The following RASA4 variants were observed in gnomAD, a reference collection of about 807,000 sequenced individuals.
RASA4 encodes the protein ras GTPase-activating protein 4.
In RASA4, 5 loss-of-function variants were observed where a neutral mutation model predicts 24.0. That is an observed-to-expected ratio of 0.21 (90% CI 0.11 to 0.44). The LOEUF (loss-of-function observed/expected upper bound fraction) is 0.44. Ranked by LOEUF, RASA4 falls within the 20% of genes least tolerant of loss-of-function variation. The probability of loss-of-function intolerance (pLI) is 0.99; values close to 1 mark genes in which losing one functional copy is unlikely to be tolerated. For synonymous variants in RASA4, 9 were observed against 132.7 expected, an observed-to-expected ratio of 0.07 and a Z score of 6.41; for missense variants, 38 against 293.0, an observed-to-expected ratio of 0.13 and a Z score of 6.35.
rs1341192736 is a variant in RASA4, at chr7:102,580,205, T to C, written c.*2566A>G. On this transcript the variant is annotated 3_prime_UTR_variant, in exon 21 of 21. Coordinates refer to ENST00000262940, the MANE Select transcript of RASA4 (RefSeq NM_006989.6). ...TTCTTAACATTTTGTTTTGTTGCAATTGGTTGCTGTAAGTCACCTAAATAT... is the reference window on the plus strand; with the variant it reads ...TTCTTAACATTTTGTTTTGTTGCAACTGGTTGCTGTAAGTCACCTAAATAT... 5 of 170,732 alleles carry C rather than the reference T, an allele frequency of 2.9e-5. No individual in the cohort carries two copies. Among genetic ancestry groups the C allele is most frequent in the African/African-American group, 4.9e-5 (2 of 40,728 alleles). 10.6% of individuals were successfully genotyped at this position (170,732 alleles called of 1,614,324 possible). A position where few individuals can be genotyped will look rare whatever the true frequency, so the allele number is the denominator to read the frequency against.
intron 5 of RASA4, among the ~76,000 whole-genome samples, chr7:102,604,202 ATTGAGAATCTCCC>A (rs1430708185): frequency 6.7e-6 from 1 of 149,714 alleles, no homozygotes; most frequent in Non-Finnish European, 1.5e-5. Context: ...TTACTGAAAT[ATTGAGAATCTCCC>A]CAGAAAAAAT....
intron 16 of RASA4, among the ~76,000 whole-genome samples, chr7:102,591,920 G>C (rs1288993228): frequency 6.6e-6 from 1 of 152,218 alleles, no homozygotes; most frequent in African/African-American, 2.4e-5. Flanking sequence ...TGCAACTTCT[G>C]CCTCCCAGGT....
rs2133428551 is a variant in RASA4 at position 102,580,229 on chromosome 7, ATCTTC to A, written c.*2537_*2541del. 7.0e-6 allele frequency: 1 copy of A among 142,768 alleles called. No individual in the cohort carries two copies. Among genetic ancestry groups the A allele is most frequent in the East Asian group, 2.2e-4 (1 of 4,636 alleles). 8.8% of individuals were successfully genotyped at this position (142,768 alleles called of 1,614,324 possible). A position where few individuals can be genotyped will look rare whatever the true frequency, so the allele number is the denominator to read the frequency against. ...ATTGGTTGCTGTAAGTCACCTAAAT[ATCTTC>A]TCTTTTTTATACTTTTTATTGTAGT... On this transcript the variant is annotated 3_prime_UTR_variant, in exon 21 of 21. Transcript: ENST00000262940.
intron 16 of RASA4, among the ~76,000 whole-genome samples, chr7:102,591,680 C>T (rs1361381742): frequency 6.8e-6 from 1 of 146,616 alleles, no homozygotes; most frequent in Non-Finnish European, 1.5e-5. Context: ...TTGCCCTAGC[C>T]TCCTACTCAT....
At chr7:102,590,876 G>T (rs1366906767) in intron 16 of RASA4, among the ~76,000 whole-genome samples, 2 of 142,088 alleles carry the variant, frequency 1.4e-5, no homozygotes, top group African/African-American at 2.8e-5. Context: ...GGAGGCGGAG[G>T]TTGCGGTGAG....
In RASA4 at chr7:102,587,633, A is replaced by C. The variant is rs1586833898; in HGVS notation, c.2104+2T>G. 1 of 249,890 alleles carries C rather than the reference A, an allele frequency of 4.0e-6. No individual in the cohort carries two copies. The highest frequency in any genetic ancestry group is 7.1e-6 in the Non-Finnish European group (1 of 141,354). The allele number at this position is 249,890 out of a possible 1,614,324, so 15.5% of individuals were successfully genotyped here. On this transcript the variant is annotated splice_donor_variant, in intron 18 of 20. Coordinates refer to ENST00000262940, the MANE Select transcript of RASA4 (RefSeq NM_006989.6). LOFTEE classifies it high-confidence loss of function. Reference sequence around the variant, plus strand: ...GCCCGGGACCCAGGCCTCCTCTCCCACCTGTCTTCTCTTTTTGGTGGCAGC... The same window carrying C: ...GCCCGGGACCCAGGCCTCCTCTCCCCCCTGTCTTCTCTTTTTGGTGGCAGC...
In RASA4 at chr7:102,594,882, G is replaced by T. The variant is rs1196311307; in HGVS notation, c.1072-323C>A. Among the ~76,000 whole-genome samples, 5 of 28,956 alleles carry T rather than the reference G, an allele frequency of 1.7e-4. No individual in the cohort carries two copies. In the Admixed American group the frequency reaches 1.8e-3, roughly 11 times the overall value. The allele number at this position is 28,956 out of a possible 152,430, so 19.0% of individuals were successfully genotyped here. On this transcript the variant is annotated intron_variant, in intron 11 of 20. Coordinates refer to ENST00000262940, the MANE Select transcript of RASA4 (RefSeq NM_006989.6). ...TTTTAATCACACACACATTCTCTTT[G>T]GGGGGGGGGGGTGCGGGGCACGGAG...
intron 5 of RASA4, among the ~76,000 whole-genome samples, chr7:102,603,241 G>A (rs112003076): frequency 0.097 from 10,616 of 109,768 alleles, 1 homozygote; most frequent in Admixed American, 0.14. Context: ...GATTACAGGC[G>A]TGAGCCACCG....
intron 5 of RASA4, among the ~76,000 whole-genome samples, chr7:102,603,118 G>A (rs1266820349): frequency 9.4e-5 from 12 of 127,136 alleles, no homozygotes; most frequent in Non-Finnish European, 6.6e-5. Flanking sequence ...CTGCCACCAC[G>A]CCCAGCTAAT....
Position 102,580,214 on chromosome 7 carries a change from G to C in RASA4, c.*2557C>G. The C allele has an allele frequency of 6.3e-6, 1 of 157,638 alleles. No individual in the cohort carries two copies. The highest frequency in any genetic ancestry group is 1.3e-4 in the South Asian group (1 of 7,606). 9.8% of individuals were successfully genotyped at this position (157,638 alleles called of 1,614,324 possible). ...TTTTGTTTTGTTGCAATTGGTTGCT[G>C]TAAGTCACCTAAATATCTTCTCTTT... On this transcript the variant is annotated 3_prime_UTR_variant, in exon 21 of 21. Transcript: ENST00000262940.
Position 102,598,027 on chromosome 7 carries a change from C to T in RASA4, c.737+1833G>A, listed in dbSNP as rs1202274831. On this transcript the variant is annotated intron_variant, in intron 8 of 20. Transcript: ENST00000262940. ...TTTATACTAAAAATGTATTCACAGC[C>T]GGGCACAGGTCAGGAGTTCAACATC... Among the ~76,000 whole-genome samples, 93 of 86,358 alleles carry T rather than the reference C, an allele frequency of 1.1e-3. No individual in the cohort carries two copies. The Admixed American group carries it at 0.011, about 10-fold the overall frequency. The allele number at this position is 86,358 out of a possible 152,430, so 56.7% of individuals were successfully genotyped here. A position where few individuals can be genotyped will look rare whatever the true frequency, so the allele number is the denominator to read the frequency against.
At chr7:102,591,106 G>GT (rs1180008664) in intron 16 of RASA4, among the ~76,000 whole-genome samples, 1 of 80,534 alleles carries the variant, frequency 1.2e-5, no homozygotes, top group Non-Finnish European at 2.3e-5. Flanking sequence ...AGCATAGCAA[G>GT]ACCCCATCTC....
chr7:102,607,942 TTTTTTA>T (rs2133483346), intron 4 of RASA4, among the ~76,000 whole-genome samples: 1 of 129,634 alleles, frequency 7.7e-6, no homozygotes, highest in African/African-American at 2.8e-5. Flanking sequence ...CTCTATTTTA[TTTTTTA>T]TTTTTATTTT....
chr7:102,579,937 T>C lies in RASA4; in HGVS notation c.*2834A>G, dbSNP rs1801455859. On this transcript the variant is annotated 3_prime_UTR_variant, in exon 21 of 21. Transcript: ENST00000262940. ...GGACGCTTACAACACAACTGCAATA[T>C]CTTTTTTGTTTGTTTGTTTGTTTTT... 7.2e-6 allele frequency: 1 copy of C among 139,352 alleles called. No homozygotes were observed. 8.6% of individuals were successfully genotyped at this position (139,352 alleles called of 1,614,324 possible). A position where few individuals can be genotyped will look rare whatever the true frequency, so the allele number is the denominator to read the frequency against.
chr7:102,605,938 C>T lies in RASA4; in HGVS notation c.348G>A (p.Val116=), dbSNP rs369222056. The T allele has an allele frequency of 1.7e-5, 28 of 1,600,400 alleles. No homozygotes were observed. The highest frequency in any genetic ancestry group is 2.0e-5 in the Non-Finnish European group (24 of 1,173,394). ...CCAGCCGCAGGTGGATCTCGCCCTG[C>T]ACCTCCTCATCGGGGTCGACCTCCG... ...HLTEVDPDEE[V]QGEIHLRLEV... is the part of the protein sequence containing the mutation. Residue 116 remains valine, a synonymous_variant, in exon 5 of 21, where the codon GTG becomes GTA. Transcript: ENST00000262940.
intron 4 of RASA4, among the ~76,000 whole-genome samples, chr7:102,606,642 C>G (rs1790683828): frequency 1.2e-5 from 1 of 86,262 alleles, no homozygotes. Context: ...CCATTGCACT[C>G]CAGACTGGGT....
Position 102,581,212 on chromosome 7 carries a change from G to A in RASA4, c.*1559C>T, listed in dbSNP as rs1586830537. On this transcript the variant is annotated 3_prime_UTR_variant, in exon 21 of 21. Transcript: ENST00000262940. ...GGAGGGAGGAGGCTTTAGAGTGGGG[G>A]GCAACCGGGGGAGGAAGGAGGTTGG... 1 of 149,474 alleles carries A rather than the reference G, an allele frequency of 6.7e-6. No homozygotes were observed. Among genetic ancestry groups the A allele is most frequent in the East Asian group, 2.1e-4 (1 of 4,794 alleles). The allele number at this position is 149,474 out of a possible 1,614,324, so 9.3% of individuals were successfully genotyped here.
chr7:102,609,659 TGTTA>T (rs1256999213), intron 2 of RASA4, among the ~76,000 whole-genome samples: 1 of 45,834 alleles, frequency 2.2e-5, no homozygotes, highest in African/African-American at 1.2e-4. Context: ...TCTCTCTGGC[TGTTA>T]TTTATTTTAT....
At chr7:102,614,289 TCAGCCTGTCGG>T (rs1790977674) in intron 1 of RASA4, among the ~76,000 whole-genome samples, 1 of 132,836 alleles carries the variant, frequency 7.5e-6, no homozygotes, top group Non-Finnish European at 1.6e-5. Context: ...GCTAGAATTC[TCAGCCTGTCGG>T]CAGCAAAGGC....
Sources: allele counts gnomAD v4.1 joint callset (sites outside exome capture counted in the v4.1 genomes callset), GRCh38; gene constraint gnomAD v4.1.1; transcripts MANE v1.5; gene names NCBI Gene and HGNC (gene_info 2026-07-23, HGNC 2026-07-21).